TFAP2D: variants seen among roughly 807,000 people sequenced by gnomAD.
TFAP2D encodes the protein transcription factor AP-2 delta.
Under a neutral mutation model 43.6 loss-of-function variants are expected in TFAP2D, and 9 were observed. The observed-to-expected ratio is 0.21, with a 90% CI of 0.12 to 0.36. TFAP2D has a LOEUF of 0.36. Among genes scored for constraint, TFAP2D ranks in the 10% least tolerant of loss-of-function variants. The pLI is 1.00. For missense variants in TFAP2D, 513 were observed against 561.4 expected, an observed-to-expected ratio of 0.91 and a Z score of 0.87; for synonymous variants, 256 against 224.9, an observed-to-expected ratio of 1.14 and a Z score of -1.24.
At chr6:50,730,320 T>G (rs1768868651) in intron 5 of TFAP2D, among the ~76,000 whole-genome samples, 1 of 152,176 alleles carries the variant, frequency 6.6e-6, no homozygotes. Flanking sequence ...ACAGCCATCT[T>G]TGCTGTGTTC....
chr6:50,728,810 C>T (rs1768843684), intron 3 of TFAP2D, 46 bp from the exon 4 acceptor site: 1 of 1,524,398 alleles, frequency 6.6e-7, no homozygotes, highest in Non-Finnish European at 9.0e-7. Flanking sequence ...ATGCAGTTAG[C>T]TTCTTTCACT....
At position 50,714,003 on chromosome 6, in the gene TFAP2D, G is replaced by A. The variant is rs1768571481; in HGVS notation, c.-53G>A. The A allele has an allele frequency of 3.7e-6, 6 of 1,601,430 alleles. No homozygotes were observed. The highest frequency in any genetic ancestry group is 4.3e-6 in the Non-Finnish European group (5 of 1,175,542). On this transcript the variant is annotated 5_prime_UTR_variant, in exon 1 of 8. Transcript: ENST00000008391. ...CAAGAAGTTTGGATTTTTTTTTCCC[G>A]ATTCTTTTTTTGGAGGGGGAAATTG...
At chr6:50,752,174 C>T (rs1004537622) in intron 7 of TFAP2D, among the ~76,000 whole-genome samples, 4 of 151,642 alleles carry the variant, frequency 2.6e-5, no homozygotes, top group Admixed American at 1.3e-4. Context: ...ATGTAACTAG[C>T]CTGCACATTG....
At chr6:50,747,735 C>T (rs956267175) in intron 6 of TFAP2D, among the ~76,000 whole-genome samples, 4 of 152,000 alleles carry the variant, frequency 2.6e-5, no homozygotes, top group African/African-American at 7.2e-5. Flanking sequence ...GAAGAATTTG[C>T]GGGAGAAATG....
intron 5 of TFAP2D, among the ~76,000 whole-genome samples, chr6:50,741,389 G>A (rs751626489): frequency 2.6e-5 from 4 of 152,008 alleles, no homozygotes; most frequent in Non-Finnish European, 4.4e-5. Context: ...CATCACCCAG[G>A]TATTAAGGCT....
rs776246966 is a variant in TFAP2D at position 50,751,288 on chromosome 6, T to C, written c.1103T>C (p.Leu368Pro). Residue 368 changes from leucine to proline, a missense_variant, in exon 7 of 8, where the codon CTA becomes CCA. This residue lies in a region of TFAP2D where 199 missense variants were observed against 227.9 expected (regional missense o/e 0.87). Coordinates refer to ENST00000008391, the MANE Select transcript of TFAP2D (RefSeq NM_172238.4). ...GGATCCTCCAGACCCACTCCAATTC[T>C]AGACCTTGACATCCAGAGACATTTA... ...PLGSSRPTPI[L>P]DLDIQRHLTH... 1.9e-6 allele frequency: 3 copies of C among 1,611,570 alleles called. No individual in the cohort carries two copies. Among genetic ancestry groups the C allele is most frequent in the Non-Finnish European group, 2.5e-6 (3 of 1,178,274 alleles).
chr6:50,773,030 A>C lies in TFAP2D; in HGVS notation c.*166A>C, dbSNP rs1769558728. 9.6e-5 allele frequency: 56 copies of C among 582,504 alleles called. No homozygotes were observed. Among genetic ancestry groups the C allele is most frequent in the Non-Finnish European group, 1.3e-4 (46 of 355,146 alleles). The allele number at this position is 582,504 out of a possible 1,614,324, so 36.1% of individuals were successfully genotyped here. On this transcript the variant is annotated 3_prime_UTR_variant, in exon 8 of 8. Transcript: ENST00000008391. ...GAAAAATGAAACAAAAAAGGACAAA[A>C]CCAAAAAAAAAAGAAAAAAAAAGGA...
chr6:50,729,384 A>T, intron 5 of TFAP2D, 72 bp downstream of exon 5: 1 of 1,311,926 alleles, frequency 7.6e-7, no homozygotes, highest in Non-Finnish European at 1.1e-6. Context: ...TTCTTAAATT[A>T]TGCTGTTTTA....
At chr6:50,741,214 A>AAT (rs2113880502) in intron 5 of TFAP2D, among the ~76,000 whole-genome samples, 1 of 152,226 alleles carries the variant, frequency 6.6e-6, no homozygotes, top group African/African-American at 2.4e-5. Context: ...ATACAGCCTA[A>AAT]AGCCTTGCTC....
intron 7 of TFAP2D, among the ~76,000 whole-genome samples, chr6:50,771,461 T>A (rs974000367): frequency 6.6e-6 from 1 of 152,182 alleles, no homozygotes; most frequent in African/African-American, 2.4e-5. Flanking sequence ...TGCATTACTA[T>A]GGAAAAGGAG....
intron 3 of TFAP2D, among the ~76,000 whole-genome samples, chr6:50,719,632 G>A (rs1321483681): frequency 6.6e-6 from 1 of 152,180 alleles, no homozygotes; most frequent in Non-Finnish European, 1.5e-5. Context: ...CAGGCTTTTA[G>A]GGATTCTGTG....
intron 7 of TFAP2D, among the ~76,000 whole-genome samples, chr6:50,767,730 C>T (rs770296864): frequency 8.5e-5 from 13 of 152,162 alleles, no homozygotes; most frequent in Admixed American, 3.9e-4. Context: ...ATAGGAATAA[C>T]GGTCATGTTT....
chr6:50,728,797 C>T lies in TFAP2D; in HGVS notation c.599-59C>T. 3.9e-6 allele frequency: 6 copies of T among 1,539,754 alleles called. No individual in the cohort carries two copies. In the South Asian group the frequency reaches 5.7e-5, roughly 15 times the overall value. On this transcript the variant is annotated intron_variant, in intron 3 of 7. Coordinates refer to ENST00000008391, the MANE Select transcript of TFAP2D (RefSeq NM_172238.4). ...AATAGTCTTTTGATGTTAACTGCCT[C>T]TCATGCAGTTAGCTTCTTTCACTGT... is the stretch of plus-strand genomic sequence containing the variant.
At chr6:50,739,074 CT>C (rs962934616) in intron 5 of TFAP2D, among the ~76,000 whole-genome samples, 2 of 152,008 alleles carry the variant, frequency 1.3e-5, no homozygotes, top group African/African-American at 2.4e-5. Flanking sequence ...GGGTGAAACA[CT>C]TTTTTTTCTA....
At chr6:50,742,576 A>AGAT (rs1345496077) in intron 5 of TFAP2D, among the ~76,000 whole-genome samples, 3 of 11,392 alleles carry the variant, frequency 2.6e-4, no homozygotes, top group African/African-American at 4.0e-4. Flanking sequence ...AGACACACAT[A>AGAT]GATAGATAGA....
chr6:50,772,617 C>A, intron 7 of TFAP2D, 28 bp from the exon 8 acceptor site: 12 of 1,602,692 alleles, frequency 7.5e-6, no homozygotes, highest in Non-Finnish European at 1.0e-5. Flanking sequence ...TCATTCACCT[C>A]TTTTTTCCTA....
intron 2 of TFAP2D, 32 bp downstream of exon 2, chr6:50,715,645 C>G: frequency 1.3e-6 from 2 of 1,552,834 alleles, no homozygotes; most frequent in Non-Finnish European, 1.7e-6. Context: ...TTGTCTGCTC[C>G]CTCCCCTCTT....
intron 5 of TFAP2D, among the ~76,000 whole-genome samples, chr6:50,729,617 T>C (rs1768855075): frequency 6.6e-6 from 1 of 152,190 alleles, no homozygotes; most frequent in Admixed American, 6.5e-5. Context: ...GCTCTTGTCA[T>C]TTGCATTATT....
Position 50,729,188 on chromosome 6 carries a change from G to A in TFAP2D, c.765-6G>A, listed in dbSNP as rs1489707770. ...CAAAACCTAGTTTTTGTTTGTTTTT[G>A]TACAGAGCAAAATCAAAGAATGGGG... On this transcript the variant is annotated splice_region_variant and splice_polypyrimidine_tract_variant and intron_variant, in intron 4 of 7. Transcript: ENST00000008391. The A allele has an allele frequency of 1.9e-6, 3 of 1,613,050 alleles. No individual in the cohort carries two copies. The highest frequency in any genetic ancestry group is 2.5e-6 in the Non-Finnish European group (3 of 1,179,640).
Sources: allele counts gnomAD v4.1 joint callset (sites outside exome capture counted in the v4.1 genomes callset), GRCh38; gene constraint gnomAD v4.1.1; regional missense constraint gnomAD v4.1.1; transcripts MANE v1.5; gene names NCBI Gene and HGNC (gene_info 2026-07-23, HGNC 2026-07-21).